The following DNAH9 variants were observed in gnomAD, a reference collection of about 807,000 sequenced individuals.
DNAH9 encodes dynein axonemal heavy chain 9, also known as DNAH9 variant protein.
DNAH9 carries 345 observed loss-of-function variants against 471.6 expected under a neutral mutation model. The observed-to-expected ratio is 0.73, with a 90% CI of 0.67 to 0.80. DNAH9 has a LOEUF of 0.80. DNAH9 is among the 30% of genes least tolerant of loss of function. The pLI is 0.00. For missense variants in DNAH9, 5,407 were observed against 5,609.2 expected (o/e 0.96, Z 1.15); for synonymous variants, 2,093 against 2,123.6 (o/e 0.99, Z 0.40).
At position 11,926,068 on chromosome 17, in the gene DNAH9, G is replaced by A. The variant is rs58064520; in HGVS notation, c.11877+2127G>A. The stretch of plus-strand genomic sequence containing the variant: ...AAAAAAAAAAAAAAAAAAAAGCTGG[G>A]GGGGGAGGAATACACTTAACAAATT... On this transcript the variant is annotated intron_variant, in intron 62 of 68. Coordinates refer to ENST00000262442, the MANE Select transcript of DNAH9 (RefSeq NM_001372.4). Among the ~76,000 whole-genome samples the A allele has an allele frequency of 1.9e-3, 234 of 125,564 alleles. 3 individuals carry two copies. In the East Asian group the frequency reaches 0.057, roughly 30 times the overall value. 82.4% of individuals were successfully genotyped at this position (125,564 alleles called of 152,430 possible). A position where few individuals can be genotyped will look rare whatever the true frequency, so the allele number is the denominator to read the frequency against.
intron 15 of DNAH9, among the ~76,000 whole-genome samples, chr17:11,665,642 A>G (rs1186716859): frequency 6.6e-6 from 1 of 152,238 alleles, no homozygotes; most frequent in Non-Finnish European, 1.5e-5. Context: ...GATGAAATGG[A>G]CAGGGCAGAA....
chr17:11,730,875 AATG>A (rs543797558), intron 28 of DNAH9, among the ~76,000 whole-genome samples: 27 of 149,820 alleles, frequency 1.8e-4, no homozygotes, highest in African/African-American at 4.9e-4. Context: ...TGATGATTCT[AATG>A]ATGATGATGA....
At chr17:11,634,300 G>A (rs2073121199) in intron 8 of DNAH9, among the ~76,000 whole-genome samples, 1 of 152,088 alleles carries the variant, frequency 6.6e-6, no homozygotes, top group Non-Finnish European at 1.5e-5. Context: ...TCATCCCCAA[G>A]CAAAAGCAAA....
At position 11,629,368 on chromosome 17, in the gene DNAH9, G is replaced by C. The variant is rs748402605; in HGVS notation, c.1351-49G>C. 1.1e-5 allele frequency: 17 copies of C among 1,547,522 alleles called. No individual in the cohort carries two copies. In the South Asian group the frequency reaches 1.8e-4, roughly 17 times the overall value. On this transcript the variant is annotated intron_variant, in intron 6 of 68. Coordinates refer to ENST00000262442, the MANE Select transcript of DNAH9 (RefSeq NM_001372.4). ...GCGGTGTTTGGTTTTTTGTCCTTGC[G>C]ATAGTTTGCTGAGAATGATTTTAAC...
intron 38 of DNAH9, among the ~76,000 whole-genome samples, chr17:11,771,040 T>C (rs985369102): frequency 6.6e-6 from 1 of 152,244 alleles, no homozygotes; most frequent in African/African-American, 2.4e-5. Flanking sequence ...CACATGATAG[T>C]AAATGTCATA....
intron 48 of DNAH9, among the ~76,000 whole-genome samples, chr17:11,828,958 TG>T (rs1364022662): frequency 1.3e-5 from 2 of 152,102 alleles, no homozygotes; most frequent in Non-Finnish European, 2.9e-5. Context: ...ACTCTACAAA[TG>T]GGTGAATAAA....
At chr17:11,948,290 A>T (rs1284627694) in intron 67 of DNAH9, among the ~76,000 whole-genome samples, 5 of 131,840 alleles carry the variant, frequency 3.8e-5, no homozygotes, top group African/African-American at 1.5e-4. Flanking sequence ...GTGCAGTGAC[A>T]CGATCTCGGC....
intron 17 of DNAH9, among the ~76,000 whole-genome samples, chr17:11,673,954 A>T (rs1313813902): frequency 6.6e-6 from 1 of 152,206 alleles, no homozygotes; most frequent in East Asian, 1.9e-4. Flanking sequence ...ACTTCATAAA[A>T]ATGATATTAT....
intron 15 of DNAH9, among the ~76,000 whole-genome samples, chr17:11,668,517 T>C (rs995872126): frequency 6.6e-6 from 1 of 151,986 alleles, no homozygotes; most frequent in Admixed American, 6.6e-5. Flanking sequence ...ATACAAAAAT[T>C]AGCCGGGCAT....
rs139609920 is a variant in DNAH9, at chr17:11,786,559, T to C, written c.8061+2020T>C. Reference sequence around the variant, plus strand: ...ATGCACTTAATCCTCACAACAACCCTAGAAGGTAAAATACTGATTATTTTC... The same window carrying C: ...ATGCACTTAATCCTCACAACAACCCCAGAAGGTAAAATACTGATTATTTTC... On this transcript the variant is annotated intron_variant, in intron 41 of 68. Transcript: ENST00000262442. Among the ~76,000 whole-genome samples, 502 of 152,158 alleles carry C rather than the reference T, an allele frequency of 3.3e-3. 2 individuals carry two copies. Among genetic ancestry groups the C allele is most frequent in the African/African-American group, 0.011 (471 of 41,514 alleles).
At chr17:11,675,389 G>A (rs1192172498) in intron 17 of DNAH9, among the ~76,000 whole-genome samples, 1 of 152,018 alleles carries the variant, frequency 6.6e-6, no homozygotes, top group African/African-American at 2.4e-5. Context: ...ATTTATGATA[G>A]TTTTATTTCT....
intron 43 of DNAH9, among the ~76,000 whole-genome samples, chr17:11,803,697 G>T: frequency 6.6e-6 from 1 of 152,178 alleles, no homozygotes; most frequent in South Asian, 2.1e-4. Flanking sequence ...CATCACAAAC[G>T]ATGCATTTCC....
chr17:11,782,424 T>G (rs1367635655), intron 39 of DNAH9, among the ~76,000 whole-genome samples: 6 of 152,172 alleles, frequency 3.9e-5, no homozygotes, highest in African/African-American at 1.4e-4. Context: ...AGAACACAGA[T>G]GCCGCCTCCA....
At chr17:11,841,852 G>C (rs1450421330) in intron 49 of DNAH9, among the ~76,000 whole-genome samples, 1 of 152,098 alleles carries the variant, frequency 6.6e-6, no homozygotes, top group Non-Finnish European at 1.5e-5. Context: ...TTGGGGTCCT[G>C]AGATTTATTT....
At chr17:11,945,128 T>C (rs1261195921) in intron 67 of DNAH9, among the ~76,000 whole-genome samples, 3 of 152,180 alleles carry the variant, frequency 2.0e-5, no homozygotes, top group Non-Finnish European at 4.4e-5. Flanking sequence ...AGCTCCGAGC[T>C]CTTCCCAGAA....
intron 33 of DNAH9, among the ~76,000 whole-genome samples, chr17:11,753,258 T>C (rs1474113356): frequency 3.9e-5 from 6 of 152,070 alleles, no homozygotes; most frequent in African/African-American, 1.5e-4. Context: ...AAGTCATTCA[T>C]TCACATCTTT....
chr17:11,598,902 C>T lies in DNAH9; in HGVS notation c.404C>T (p.Ala135Val), dbSNP rs1301187990. 6 of 1,517,214 alleles carry T rather than the reference C, an allele frequency of 4.0e-6. No individual in the cohort carries two copies. The highest frequency in any genetic ancestry group is 2.4e-5 in the South Asian group (2 of 84,232). The allele number at this position is 1,517,214 out of a possible 1,614,324, so 94.0% of individuals were successfully genotyped here. The change falls in exon 1 of 69, where the codon GCG (alanine) becomes GTG (valine). Residue 135 changes from alanine (A) to valine (V), a missense_variant. This residue lies in a region of DNAH9 where 767 missense variants were observed against 692.5 expected (regional missense o/e 1.11). Coordinates refer to ENST00000262442, the MANE Select transcript of DNAH9 (RefSeq NM_001372.4). ...GCGGCACCTCTGGAGCACCTAGCCG[C>T]GCTGTTCTCGGAGGTGAGGGTGGGT... ...LPAAPLEHLAALFSEVVLPVL... is the reference protein window; with the variant it reads ...LPAAPLEHLAVLFSEVVLPVL...
chr17:11,808,011 T>G (rs939300326), intron 44 of DNAH9, 117 bp downstream of exon 44: 1 of 1,190,622 alleles, frequency 8.4e-7, no homozygotes. Context: ...TCAATGTCTG[T>G]CCATTTCTGT....
At chr17:11,672,210 A>T (rs1218316091) in intron 17 of DNAH9, among the ~76,000 whole-genome samples, 1 of 152,058 alleles carries the variant, frequency 6.6e-6, no homozygotes, top group African/African-American at 2.4e-5. Context: ...TTCTCATCTC[A>T]TTCAGCTCTT....
Sources: gnomAD v4.1 joint callset for allele counts (sites outside exome capture counted in the v4.1 genomes callset) on GRCh38, gnomAD v4.1.1 for gene constraint, gnomAD v4.1.1 regional missense constraint, MANE v1.5 for transcripts, NCBI Gene and HGNC (gene_info 2026-07-23, HGNC 2026-07-21) for gene names.